Variants in DYNC2H1 observed in about 807,000 individuals in gnomAD.
The protein encoded by DYNC2H1 is cytoplasmic dynein 2 heavy chain 1.
Under a neutral mutation model 570.0 loss-of-function variants are expected in DYNC2H1, and 410 were observed. The ratio of observed to expected loss-of-function variants is 0.72; its 90% confidence interval spans 0.66 to 0.78. The LOEUF is 0.78. Ranked by LOEUF, DYNC2H1 falls within the 30% of genes least tolerant of loss-of-function variation. DYNC2H1 has a pLI of 0.00. For synonymous variants in DYNC2H1, 1,688 were observed against 1,677.6 expected, an observed-to-expected ratio of 1.01 and a Z score of -0.15; for missense variants, 4,865 against 5,046.4, an observed-to-expected ratio of 0.96 and a Z score of 1.09.
At position 103,212,944 on chromosome 11, in the gene DYNC2H1, C is replaced by T. The variant is rs920344689; in HGVS notation, c.8694+1001C>T. Among the ~76,000 whole-genome samples the T allele has an allele frequency of 9.9e-5, 15 of 152,078 alleles. No individual in the cohort carries two copies. The South Asian group carries it at 1.5e-3, about 15-fold the overall frequency. ...TTAGATAAAATTCATATGGAAAAAA[C>T]TTAGCTTAATACCTGTACTTTATGA... On this transcript the variant is annotated intron_variant, in intron 54 of 88. Coordinates refer to ENST00000375735, the MANE Select transcript of DYNC2H1 (RefSeq NM_001377.3).
In DYNC2H1 at chr11:103,211,904, C is replaced by A; in HGVS notation, c.8655C>A (p.Ser2885Arg). Residue 2885 changes from serine to arginine, a missense_variant, in exon 54 of 89, where the codon AGC becomes AGA. Coordinates refer to ENST00000375735, the MANE Select transcript of DYNC2H1 (RefSeq NM_001377.3). ...FLHVYSAISSSKKKELLKRQS... is the reference protein window; with the variant it reads ...FLHVYSAISSRKKKELLKRQS... ...ATGTGTATTCTGCCATTAGTAGTAG[C>A]AAGAAAAAGGAATTATTAAAAAGAC... The A allele has an allele frequency of 6.5e-7, 1 of 1,532,054 alleles. No homozygotes were observed. Among genetic ancestry groups the A allele is most frequent in the Non-Finnish European group, 8.8e-7 (1 of 1,136,058 alleles). 94.9% of individuals were successfully genotyped at this position (1,532,054 alleles called of 1,614,324 possible).
chr11:103,301,434 A>G (rs1199260079), intron 75 of DYNC2H1, among the ~76,000 whole-genome samples: 2 of 151,990 alleles, frequency 1.3e-5, no homozygotes, highest in Non-Finnish European at 1.5e-5. Flanking sequence ...ATGTTTATTG[A>G]GTTAATGAAT....
At chr11:103,409,108 A>G (rs905958978) in intron 84 of DYNC2H1, among the ~76,000 whole-genome samples, 1 of 152,034 alleles carries the variant, frequency 6.6e-6, no homozygotes. Context: ...GACATGTCTA[A>G]TACTGGTAAT....
At position 103,160,923 on chromosome 11, in the gene DYNC2H1, A is replaced by G; in HGVS notation, c.4379-9A>G. On this transcript the variant is annotated splice_polypyrimidine_tract_variant and intron_variant, in intron 28 of 88. Coordinates refer to ENST00000375735, the MANE Select transcript of DYNC2H1 (RefSeq NM_001377.3). The stretch of plus-strand genomic sequence containing the variant: ...CTTTTGCAATTCAATCATTGCTTTT[A>G]TATTTCAGGTATTAACAGTGTTTGC... The G allele has an allele frequency of 6.8e-7, 1 of 1,472,134 alleles. No individual in the cohort carries two copies. The highest frequency in any genetic ancestry group is 9.1e-7 in the Non-Finnish European group (1 of 1,092,938). The allele number at this position is 1,472,134 out of a possible 1,614,324, so 91.2% of individuals were successfully genotyped here. A position where few individuals can be genotyped will look rare whatever the true frequency, so the allele number is the denominator to read the frequency against.
chr11:103,238,708 G>T (rs1481827971), intron 63 of DYNC2H1, among the ~76,000 whole-genome samples: 1 of 152,118 alleles, frequency 6.6e-6, no homozygotes, highest in African/African-American at 2.4e-5. Flanking sequence ...TTACAAAGAT[G>T]CTTAAAATTC....
At chr11:103,373,456 C>T (rs1167279234) in intron 83 of DYNC2H1, among the ~76,000 whole-genome samples, 1 of 151,974 alleles carries the variant, frequency 6.6e-6, no homozygotes, top group Non-Finnish European at 1.5e-5. Context: ...TTCATTGACC[C>T]ACTGGTTATT....
At position 103,173,709 on chromosome 11, in the gene DYNC2H1, TC is replaced by T. The variant is rs955556975; in HGVS notation, c.5559-344del. ...TCTTTGGGACAATGTACAATTCTCTTCCATATCACTTAAGAGATAATGGTGA... is the reference window on the plus strand; with the variant it reads ...TCTTTGGGACAATGTACAATTCTCTTCATATCACTTAAGAGATAATGGTGA... On this transcript the variant is annotated intron_variant, in intron 35 of 88. Transcript: ENST00000375735. Among the ~76,000 whole-genome samples the T allele has an allele frequency of 6.2e-4, 95 of 152,118 alleles. 1 individual carries two copies. The highest frequency in any genetic ancestry group is 1.2e-4 in the Non-Finnish European group (8 of 67,992).
chr11:103,353,310 A>C lies in DYNC2H1; in HGVS notation c.12040-4933A>C, dbSNP rs565649707. Among the ~76,000 whole-genome samples the C allele has an allele frequency of 5.3e-5, 8 of 152,300 alleles. No individual in the cohort carries two copies. The South Asian group carries it at 8.3e-4, about 16-fold the overall frequency. On this transcript the variant is annotated intron_variant, in intron 82 of 88. Transcript: ENST00000375735. ...CCCGAAACTTAAATTTTTTTTACAA[A>C]AAATGATTGTCTGTTCTCCAGATAT...
chr11:103,170,267 G>C lies in DYNC2H1; in HGVS notation c.5128G>C (p.Val1710Leu), dbSNP rs1861515104. 1 of 1,599,806 alleles carries C rather than the reference G, an allele frequency of 6.3e-7. No homozygotes were observed. The highest frequency in any genetic ancestry group is 1.3e-5 in the African/African-American group (1 of 74,340). Residue 1710 changes from valine to leucine, a missense_variant, in exon 33 of 89, where the codon GTT (valine) becomes CTT (leucine). By Grantham distance (32) the Val-to-Leu change is conservative. Coordinates refer to ENST00000375735, the MANE Select transcript of DYNC2H1 (RefSeq NM_001377.3). This position sits in a 1 kb window ranked among gnomAD's most constrained non-coding sequence, Gnocchi z 4.8. ...TTTAGGTGGACTTCTTGGAAGACAA[G>C]TTTTAGTCTTTAATTGTGATGAGGT... ...KALGGLLGRQ[V>L]LVFNCDEGID...
chr11:103,154,978 C>T (rs1860747127), intron 24 of DYNC2H1, among the ~76,000 whole-genome samples, 169 bp downstream of exon 24: 2 of 151,994 alleles, frequency 1.3e-5, no homozygotes, highest in Admixed American at 6.6e-5. Context: ...GATATTTCTA[C>T]TACCAATGAG....
In DYNC2H1 at chr11:103,135,633, A is replaced by G; in HGVS notation, c.2344A>G (p.Lys782Glu). 1 of 1,611,284 alleles carries G rather than the reference A, an allele frequency of 6.2e-7. No individual in the cohort carries two copies. The highest frequency in any genetic ancestry group is 8.5e-7 in the Non-Finnish European group (1 of 1,179,166). The change falls in exon 16 of 89, where the codon AAA (lysine) becomes GAA (glutamate). Residue 782 changes from lysine to glutamate, a missense_variant and splice_region_variant. Physicochemically the swap from Lys to Glu is moderately conservative, Grantham distance 56. Transcript: ENST00000375735. ...LPEINIDLTY[K>E]QGRLQFRPPF... is the part of the protein sequence containing the mutation. ...AGAAATAAATATAGACTTAACTTAC[A>G]AGTAAGATGTTTTTTCAACCCCAAT...
At chr11:103,389,110 C>T (rs1438708239) in intron 83 of DYNC2H1, among the ~76,000 whole-genome samples, 3 of 152,146 alleles carry the variant, frequency 2.0e-5, no homozygotes, top group Non-Finnish European at 2.9e-5. Context: ...TGGTAGAATT[C>T]AGCTGTGAAT....
chr11:103,290,743 G>A (rs1048267647), intron 75 of DYNC2H1, among the ~76,000 whole-genome samples: 1 of 151,724 alleles, frequency 6.6e-6, no homozygotes, highest in Non-Finnish European at 1.5e-5. Flanking sequence ...TTCCTCTCTT[G>A]TTGCTTTTAG....
At chr11:103,258,357 T>C (rs577762733) in intron 69 of DYNC2H1, among the ~76,000 whole-genome samples, 75 of 152,258 alleles carry the variant, frequency 4.9e-4, no homozygotes, top group Non-Finnish European at 1.0e-3. Context: ...CTCCCATATA[T>C]GCACATTGTT....
At chr11:103,115,788 G>GA (rs1305003909) in intron 4 of DYNC2H1, among the ~76,000 whole-genome samples, 3 of 151,438 alleles carry the variant, frequency 2.0e-5, no homozygotes, top group Non-Finnish European at 4.4e-5. Flanking sequence ...TCCATCTCTA[G>GA]AAAAAAACAA....
chr11:103,189,359 A>G lies in DYNC2H1; in HGVS notation c.7293-313A>G, dbSNP rs1174124562. Among the ~76,000 whole-genome samples the G allele has an allele frequency of 6.6e-6, 1 of 152,128 alleles. No homozygotes were observed. Among genetic ancestry groups the G allele is most frequent in the Non-Finnish European group, 1.5e-5 (1 of 68,018 alleles). On this transcript the variant is annotated intron_variant, in intron 44 of 88. Coordinates refer to ENST00000375735, the MANE Select transcript of DYNC2H1 (RefSeq NM_001377.3). The surrounding 1 kb of genome is among the most constrained non-coding windows in gnomAD (Gnocchi z 4.3). Reference sequence around the variant, plus strand: ...ACTGCCCTGTGTACAGACCTTATGTAACTCAAAAATGCTTTTCAAAAGTAA... The same window carrying G: ...ACTGCCCTGTGTACAGACCTTATGTGACTCAAAAATGCTTTTCAAAAGTAA...
At chr11:103,166,170 A>G in intron 31 of DYNC2H1, 122 bp downstream of exon 31, 1 of 688,308 alleles carries the variant, frequency 1.5e-6, no homozygotes, top group Non-Finnish European at 2.1e-6. Flanking sequence ...GAATTACAAC[A>G]TATATACTTA....
chr11:103,234,210 A>T (rs1251647780), intron 61 of DYNC2H1, 50 bp downstream of exon 61: 2 of 1,533,854 alleles, frequency 1.3e-6, no homozygotes, highest in African/African-American at 2.8e-5. Flanking sequence ...ACTGCAGGAA[A>T]TCTATAATGT....
intron 84 of DYNC2H1, among the ~76,000 whole-genome samples, chr11:103,413,048 T>C (rs755052505): frequency 5.3e-5 from 8 of 152,158 alleles, no homozygotes; most frequent in Admixed American, 1.3e-4. Context: ...ACTCCCAGTG[T>C]GTTTACTTGC....
Sources: allele counts gnomAD v4.1 joint callset (sites outside exome capture counted in the v4.1 genomes callset), GRCh38; gene constraint gnomAD v4.1.1; non-coding constraint Gnocchi (gnomAD v3.1); transcripts MANE v1.5; gene names NCBI Gene and HGNC (gene_info 2026-07-23, HGNC 2026-07-21).